SPTAN1: variants seen among roughly 807,000 people sequenced by gnomAD.
SPTAN1 encodes spectrin alpha, non-erythrocytic 1.
SPTAN1 carries 61 observed loss-of-function variants against 331.3 expected under a neutral mutation model. The observed-to-expected ratio is 0.18, with a 90% CI of 0.15 to 0.23. The LOEUF (loss-of-function observed/expected upper bound fraction) is 0.23, where lower values mean the gene tolerates loss of function less well. SPTAN1 is among the 10% of genes least tolerant of loss of function. SPTAN1 has a pLI of 1.00. For missense variants in SPTAN1, 2,043 were observed against 3,147.9 expected (o/e 0.65, Z 8.40); for synonymous variants, 1,153 against 1,173.9 (o/e 0.98, Z 0.36).
At chr9:128,599,919 G>A (rs1376232087) in intron 26 of SPTAN1, 161 bp from the exon 27 acceptor site, 2 of 760,858 alleles carry the variant, frequency 2.6e-6, no homozygotes, top group Non-Finnish European at 4.5e-6. Flanking sequence ...CAGCCTTGTA[G>A]TTTGTTACCA....
At chr9:128,611,985 C>G (rs1856622648) in intron 38 of SPTAN1, 124 bp from the exon 39 acceptor site, 1 of 1,599,324 alleles carries the variant, frequency 6.3e-7, no homozygotes. Flanking sequence ...ATGGGGAATG[C>G]TAGTGAGAAT....
intron 45 of SPTAN1, among the ~76,000 whole-genome samples, chr9:128,622,996 C>T (rs1858125278): frequency 6.6e-6 from 1 of 152,016 alleles, no homozygotes; most frequent in Non-Finnish European, 1.5e-5. Flanking sequence ...CATGATCCGC[C>T]TGCCTCGGCC....
intron 44 of SPTAN1, 67 bp downstream of exon 44, chr9:128,619,070 C>T (rs561937921): frequency 1.3e-4 from 217 of 1,609,002 alleles, no homozygotes; most frequent in Admixed American, 2.5e-4. Flanking sequence ...CATCATTTCC[C>T]TGTTGGTTTG....
intron 31 of SPTAN1, among the ~76,000 whole-genome samples, chr9:128,606,223 C>T (rs1855827358): frequency 6.7e-6 from 1 of 149,540 alleles, no homozygotes. Flanking sequence ...TACAAACCAG[C>T]CGGGCGTGGT....
At chr9:128,611,621 T>G in intron 37 of SPTAN1, 93 bp from the exon 38 acceptor site, 3 of 1,482,170 alleles carry the variant, frequency 2.0e-6, no homozygotes, top group Non-Finnish European at 2.8e-6. Flanking sequence ...TCTTTATGTT[T>G]GCTGCCACTC....
intron 1 of SPTAN1, among the ~76,000 whole-genome samples, chr9:128,559,435 A>G (rs1849029292): frequency 6.6e-6 from 1 of 152,218 alleles, no homozygotes; most frequent in Non-Finnish European, 1.5e-5. Context: ...TAGCAGGTAA[A>G]GGATTTTAGA....
At chr9:128,580,804 C>G (rs535138339) in intron 10 of SPTAN1, 118 bp from the exon 11 acceptor site, 11 of 1,438,054 alleles carry the variant, frequency 7.6e-6, no homozygotes, top group Non-Finnish European at 1.1e-5. Flanking sequence ...TTTTGCAAAT[C>G]GGAAAAAAGG....
intron 43 of SPTAN1, 55 bp from the exon 44 acceptor site, chr9:128,618,816 A>G (rs1857502013): frequency 6.2e-7 from 1 of 1,613,566 alleles, no homozygotes; most frequent in African/African-American, 1.3e-5. Context: ...GTTAACTATC[A>G]CAATCAAAGC....
At chr9:128,599,213 C>T (rs1489289057) in intron 26 of SPTAN1, 1 of 545,634 alleles carries the variant, frequency 1.8e-6, no homozygotes, top group Non-Finnish European at 3.4e-6. Flanking sequence ...TGGCTCACTG[C>T]AACCTCCACC....
At position 128,608,915 on chromosome 9, in the gene SPTAN1, C is replaced by T. The variant is rs375026050; in HGVS notation, c.4533C>T (p.Leu1511=). ...CTCTGCAGGCCTTTGCCGACCAGCT[C>T]ATCGCTGCCGGCCATTATGCCAAGG... ...IAALQAFADQ[L]IAAGHYAKGD... Residue 1511 remains leucine (L), a synonymous_variant, in exon 35 of 57, where the codon CTC becomes CTT. Coordinates refer to ENST00000372739, the MANE Select transcript of SPTAN1 (RefSeq NM_001130438.3). 7 of 1,614,104 alleles carry T rather than the reference C, an allele frequency of 4.3e-6. No homozygotes were observed. In the African/African-American group the frequency reaches 9.3e-5, roughly 22 times the overall value.
chr9:128,614,814 GT>G (rs1444934359), intron 40 of SPTAN1, among the ~76,000 whole-genome samples: 1 of 152,112 alleles, frequency 6.6e-6, no homozygotes, highest in Non-Finnish European at 1.5e-5. Context: ...CTGAAACCTT[GT>G]CAGTAAACTT....
In SPTAN1 at chr9:128,607,652, T is replaced by C; in HGVS notation, c.4095T>C (p.Asp1365=). The change falls in exon 32 of 57, where the codon GAT becomes GAC. Residue 1365 remains aspartate, a synonymous_variant. Coordinates refer to ENST00000372739, the MANE Select transcript of SPTAN1 (RefSeq NM_001130438.3). ...INGIRGLVSS[D]ELAKDVTGAE... is the part of the protein sequence containing the mutation. ...GAATACGGGGGTTGGTGTCCTCAGA[T>C]GAGCTAGCCAAGGATGTCACCGGAG... is the stretch of plus-strand genomic sequence containing the variant. 1 of 1,611,936 alleles carries C rather than the reference T, an allele frequency of 6.2e-7. No individual in the cohort carries two copies. The highest frequency in any genetic ancestry group is 8.5e-7 in the Non-Finnish European group (1 of 1,178,108).
chr9:128,631,410 G>GT (rs1859706462), intron 52 of SPTAN1: 1 of 152,182 alleles, frequency 6.6e-6, no homozygotes. Flanking sequence ...AGTGACCCGA[G>GT]ATCAGGCCAT....
At chr9:128,564,240 G>A (rs1849744688) in intron 1 of SPTAN1, among the ~76,000 whole-genome samples, 1 of 152,112 alleles carries the variant, frequency 6.6e-6, no homozygotes, top group Admixed American at 6.5e-5. Flanking sequence ...CCAACATGGT[G>A]AAACCCCGTC....
intron 3 of SPTAN1, 133 bp from the exon 4 acceptor site, chr9:128,574,542 T>C: frequency 9.3e-7 from 1 of 1,077,170 alleles, no homozygotes; most frequent in Non-Finnish European, 1.4e-6. Context: ...TTCCTCTCAG[T>C]TTAGGGATTA....
At position 128,611,780 on chromosome 9, in the gene SPTAN1, G is replaced by C; in HGVS notation, c.4840G>C (p.Val1614Leu). 1 of 1,614,168 alleles carries C rather than the reference G, an allele frequency of 6.2e-7. No individual in the cohort carries two copies. Among genetic ancestry groups the C allele is most frequent in the Non-Finnish European group, 8.5e-7 (1 of 1,180,034 alleles). Reference sequence around the variant, plus strand: ...TGCCAACGCTGACCGGATCCGTGGGGTTATCGACATGGGCAACTCCCTCAT... The same window carrying C: ...TGCCAACGCTGACCGGATCCGTGGGCTTATCGACATGGGCAACTCCCTCAT... ...LHANADRIRG[V>L]IDMGNSLIER... The change falls in exon 38 of 57, where the codon GTT (valine) becomes CTT (leucine). Residue 1614 changes from valine to leucine, a missense_variant. This residue lies in a region of SPTAN1 where 323 missense variants were observed against 581.1 expected (regional missense o/e 0.56). Transcript: ENST00000372739.
At position 128,581,872 on chromosome 9, in the gene SPTAN1, G is replaced by C; in HGVS notation, c.1552G>C (p.Ala518Pro). Residue 518 changes from alanine (A) to proline (P), a missense_variant, in exon 12 of 57, where the codon GCC (alanine) becomes CCC (proline). Physicochemically the swap from Ala to Pro is conservative, Grantham distance 27. Around this residue, in one of 12 missense-constraint regions of SPTAN1, gnomAD observed 1,038 missense variants for 1,531.5 expected, o/e 0.68. Coordinates refer to ENST00000372739, the MANE Select transcript of SPTAN1 (RefSeq NM_001130438.3). ...CGAAGACTTTGAGAAATCCCTTAGT[G>C]CCCAGGAGGAAAAGATTACAGTAAG... Reference protein sequence around the residue: ...KHEDFEKSLSAQEEKITALDE... With the variant: ...KHEDFEKSLSPQEEKITALDE... 1 of 1,613,450 alleles carries C rather than the reference G, an allele frequency of 6.2e-7. No individual in the cohort carries two copies. Among genetic ancestry groups the C allele is most frequent in the Non-Finnish European group, 8.5e-7 (1 of 1,179,470 alleles).
chr9:128,626,175 C>A, intron 48 of SPTAN1, 197 bp downstream of exon 48: 1 of 874,022 alleles, frequency 1.1e-6, no homozygotes, highest in Non-Finnish European at 1.8e-6. Flanking sequence ...CAGAAGCACG[C>A]AGGACAGACT....
rs756296483 is a variant in SPTAN1 at position 128,577,107 on chromosome 9, A to G, written c.786-22A>G. ...TAGGGAGTCATCATTGCTGTGGATT[A>G]ACTGGTGCCTTTGTTCTGTAGGGAT... On this transcript the variant is annotated intron_variant, in intron 6 of 56. Transcript: ENST00000372739. This position sits in a 1 kb window ranked among gnomAD's most constrained non-coding sequence, Gnocchi z 4.2. 1 of 1,614,082 alleles carries G rather than the reference A, an allele frequency of 6.2e-7. No individual in the cohort carries two copies. Among genetic ancestry groups the G allele is most frequent in the South Asian group, 1.1e-5 (1 of 91,084 alleles).
Sources: gnomAD v4.1 joint callset for allele counts (sites outside exome capture counted in the v4.1 genomes callset) on GRCh38, gnomAD v4.1.1 for gene constraint, gnomAD v4.1.1 regional missense constraint, Gnocchi (gnomAD v3.1) non-coding constraint, MANE v1.5 for transcripts, NCBI Gene and HGNC (gene_info 2026-07-23, HGNC 2026-07-21) for gene names.